SLIT3: variants seen among roughly 807,000 people sequenced by gnomAD.
SLIT3 encodes the protein slit guidance ligand 3.
In SLIT3, 68 loss-of-function variants were observed where a neutral mutation model predicts 184.0. The ratio of observed to expected loss-of-function variants is 0.37; its 90% CI spans 0.30 to 0.45. The LOEUF is 0.45. Ranked by LOEUF, SLIT3 falls within the 20% of genes least tolerant of loss-of-function variation. The pLI, the probability that SLIT3 is intolerant of heterozygous loss-of-function variation, is 1.00. For synonymous variants in SLIT3, 831 were observed against 828.6 expected, an observed-to-expected ratio of 1.00 and a Z score of -0.05; for missense variants, 1,707 against 2,026.0, an observed-to-expected ratio of 0.84 and a Z score of 3.02.
intron 4 of SLIT3, among the ~76,000 whole-genome samples, chr5:169,090,621 A>C (rs1758341204): frequency 2.0e-5 from 3 of 152,216 alleles, no homozygotes; most frequent in Admixed American, 1.3e-4. Context: ...CTTATATGAC[A>C]AAAGATGTGA....
rs939998363 is a variant in SLIT3 at position 169,080,932 on chromosome 5, G to T, written c.413+112547C>A. Among the ~76,000 whole-genome samples the T allele has an allele frequency of 3.3e-5, 5 of 152,270 alleles. No individual in the cohort carries two copies. In the South Asian group the frequency reaches 1.0e-3, roughly 32 times the overall value. ...TTTTAAAGAAAAAAGAAAAAAAAAT[G>T]TAAAAAACCAGGTACCCTGGAGAAG... On this transcript the variant is annotated intron_variant, in intron 4 of 35. Transcript: ENST00000519560.
chr5:168,822,498 G>A (rs951641692), intron 7 of SLIT3, among the ~76,000 whole-genome samples: 1 of 152,130 alleles, frequency 6.6e-6, no homozygotes, highest in Non-Finnish European at 1.5e-5. Context: ...CACAAGCCAA[G>A]TATCAAGTCT....
chr5:169,044,040 T>C (rs1349272310), intron 4 of SLIT3, among the ~76,000 whole-genome samples: 3 of 152,120 alleles, frequency 2.0e-5, no homozygotes, highest in African/African-American at 7.2e-5. Context: ...TAGAGAGAAG[T>C]AGTAGATAAA....
intron 4 of SLIT3, among the ~76,000 whole-genome samples, chr5:169,176,850 C>G (rs1018160972): frequency 6.6e-6 from 1 of 152,206 alleles, no homozygotes; most frequent in Non-Finnish European, 1.5e-5. Context: ...GAACATGCCC[C>G]TGGTGAAGAA....
intron 1 of SLIT3, among the ~76,000 whole-genome samples, chr5:169,272,446 G>A (rs776444286): frequency 1.3e-5 from 2 of 152,168 alleles, no homozygotes; most frequent in Non-Finnish European, 2.9e-5. Context: ...GGATCTAACT[G>A]CAGACTTCAT....
intron 4 of SLIT3, among the ~76,000 whole-genome samples, chr5:169,109,725 G>A (rs1195357729): frequency 6.6e-6 from 1 of 152,156 alleles, no homozygotes; most frequent in African/African-American, 2.4e-5. Flanking sequence ...AGTCTCTGGT[G>A]TGTGTTCCTG....
intron 13 of SLIT3, 43 bp downstream of exon 13, chr5:168,774,192 C>CTGCT (rs1177706140): frequency 6.4e-7 from 1 of 1,560,662 alleles, no homozygotes; most frequent in South Asian, 1.2e-5. Flanking sequence ...TTGGGGTCTC[C>CTGCT]TGCTGCTTGG....
chr5:169,299,353 G>A (rs1274641774), intron 1 of SLIT3, among the ~76,000 whole-genome samples: 1 of 152,178 alleles, frequency 6.6e-6, no homozygotes, highest in Non-Finnish European at 1.5e-5. Context: ...GTGACTAGCA[G>A]GAATAACACA....
chr5:169,117,934 C>CTAGTGTGTG (rs1436582804), intron 4 of SLIT3, among the ~76,000 whole-genome samples: 4 of 152,324 alleles, frequency 2.6e-5, no homozygotes, highest in Admixed American at 2.0e-4. Flanking sequence ...AAGACGCTCT[C>CTAGTGTGTG]ATACAGGCCC....
intron 3 of SLIT3, among the ~76,000 whole-genome samples, chr5:169,206,766 A>G (rs1333231454): frequency 6.6e-6 from 1 of 152,256 alleles, no homozygotes; most frequent in Admixed American, 6.5e-5. Flanking sequence ...CAACAACAAA[A>G]AAAGTTCTTT....
chr5:169,042,334 A>C (rs1757472921), intron 4 of SLIT3, among the ~76,000 whole-genome samples: 1 of 152,202 alleles, frequency 6.6e-6, no homozygotes, highest in Non-Finnish European at 1.5e-5. Context: ...CAAAGTCAGC[A>C]CCAGTAAGGA....
intron 3 of SLIT3, among the ~76,000 whole-genome samples, chr5:169,240,725 G>A (rs1765376015): frequency 6.6e-6 from 1 of 150,540 alleles, no homozygotes; most frequent in Non-Finnish European, 1.5e-5. Context: ...TTACATATAA[G>A]GTAATATGAT....
intron 34 of SLIT3, 124 bp from the exon 35 acceptor site, chr5:168,670,115 G>A (rs4868094): frequency 0.17 from 133,951 of 770,066 alleles, 14,159 homozygotes; most frequent in Non-Finnish European, 0.22. Context: ...AGCTTTCTCT[G>A]TTTCCTAGGC....
intron 1 of SLIT3, among the ~76,000 whole-genome samples, chr5:169,263,382 G>C (rs987956495): frequency 3.3e-5 from 5 of 151,864 alleles, no homozygotes; most frequent in Admixed American, 2.6e-4. Flanking sequence ...CAGGTATAGT[G>C]CCGTGTGACA....
chr5:169,280,828 T>A (rs1458359982), intron 1 of SLIT3, among the ~76,000 whole-genome samples: 1 of 152,174 alleles, frequency 6.6e-6, no homozygotes, highest in Admixed American at 6.5e-5. Context: ...ATAGCTTTTC[T>A]TTTGTTGAGC....
In SLIT3 at chr5:169,204,352, A is replaced by G. The variant is rs750652725; in HGVS notation, c.342-10802T>C. 2.7e-4 allele frequency among the ~76,000 whole-genome samples: 41 copies of G among 152,178 alleles called. 1 individual carries two copies. Among genetic ancestry groups the G allele is most frequent in the Non-Finnish European group, 1.2e-4 (8 of 68,022 alleles). ...TGACCTATTAGCAGGAGTGGTTCAA[A>G]AAAGAGTGGGGGAAAATAAAAAGGA... On this transcript the variant is annotated intron_variant, in intron 3 of 35. Transcript: ENST00000519560.
chr5:168,704,784 A>G (rs1360397348), intron 26 of SLIT3, among the ~76,000 whole-genome samples: 1 of 152,136 alleles, frequency 6.6e-6, no homozygotes, highest in African/African-American at 2.4e-5. Flanking sequence ...GGGAAAATGG[A>G]GATACCTGGA....
At chr5:169,039,587 G>A (rs1757379483) in intron 4 of SLIT3, among the ~76,000 whole-genome samples, 2 of 152,122 alleles carry the variant, frequency 1.3e-5, no homozygotes, top group African/African-American at 2.4e-5. Flanking sequence ...AAAGTGCTGG[G>A]ATTACAGGCT....
At chr5:168,744,016 G>A (rs907365780) in intron 20 of SLIT3, among the ~76,000 whole-genome samples, 9 of 152,208 alleles carry the variant, frequency 5.9e-5, no homozygotes, top group African/African-American at 1.9e-4. Flanking sequence ...CCGGCTGGGC[G>A]CAGCGGCTCA....
Sources: gnomAD v4.1 joint callset for allele counts (sites outside exome capture counted in the v4.1 genomes callset) on GRCh38, gnomAD v4.1.1 for gene constraint, MANE v1.5 for transcripts, NCBI Gene and HGNC (gene_info 2026-07-23, HGNC 2026-07-21) for gene names.